Variants in GNA14 observed in about 807,000 individuals in gnomAD.
GNA14 encodes the protein G protein subunit alpha 14.
Under a neutral mutation model 42.0 loss-of-function variants are expected in GNA14, and 50 were observed. That is an observed-to-expected ratio of 1.19 (90% confidence interval 0.95 to 1.51). GNA14 has a LOEUF of 1.51. Among genes scored for constraint, GNA14 ranks in the 40% most tolerant of loss-of-function variants. The probability of loss-of-function intolerance (pLI) is 0.00; values close to 1 mark genes in which losing one functional copy is unlikely to be tolerated. For synonymous variants in GNA14, 173 were observed against 163.1 expected, an observed-to-expected ratio of 1.06 and a Z score of -0.46; for missense variants, 473 against 446.2, an observed-to-expected ratio of 1.06 and a Z score of -0.54.
At chr9:77,459,108 C>T (rs1355952510) in intron 2 of GNA14, among the ~76,000 whole-genome samples, 9 of 152,080 alleles carry the variant, frequency 5.9e-5, no homozygotes, top group Non-Finnish European at 1.0e-4. Context: ...TGGTGGCACG[C>T]GCCTGTAATC....
chr9:77,608,957 T>C (rs1823686818), intron 1 of GNA14, among the ~76,000 whole-genome samples: 1 of 152,110 alleles, frequency 6.6e-6, no homozygotes, highest in African/African-American at 2.4e-5. Context: ...ACTATCTCCT[T>C]ATCAAATAGT....
intron 1 of GNA14, among the ~76,000 whole-genome samples, chr9:77,537,218 T>C (rs1346879410): frequency 6.6e-5 from 10 of 152,162 alleles, no homozygotes; most frequent in South Asian, 2.1e-4. Context: ...CAACCTCCCT[T>C]CATCCTCCCC....
chr9:77,646,999 C>T (rs1375974620), intron 1 of GNA14, among the ~76,000 whole-genome samples: 3 of 152,178 alleles, frequency 2.0e-5, no homozygotes, highest in Admixed American at 6.5e-5. Flanking sequence ...GGTTTGGGTC[C>T]GCTGCAAACA....
chr9:77,466,744 C>CTGA (rs1836241875), intron 2 of GNA14, among the ~76,000 whole-genome samples: 1 of 152,112 alleles, frequency 6.6e-6, no homozygotes, highest in African/African-American at 2.4e-5. Flanking sequence ...ACTCTGTGTA[C>CTGA]TGATCCTTCC....
intron 1 of GNA14, among the ~76,000 whole-genome samples, chr9:77,644,464 A>AAAAAAAAAAAC (rs1824323150): frequency 6.9e-6 from 1 of 145,060 alleles, no homozygotes; most frequent in African/African-American, 2.6e-5. Flanking sequence ...AAAAAAAAAA[A>AAAAAAAAAAAC]GACACAGGAA....
intron 2 of GNA14, chr9:77,517,673 C>G (rs1381717292): frequency 5.0e-5 from 6 of 118,918 alleles, no homozygotes; most frequent in African/African-American, 1.9e-4. Context: ...GTGGTGTAAT[C>G]ATGGCTCACT....
chr9:77,581,037 C>CAA (rs1554700663), intron 1 of GNA14, among the ~76,000 whole-genome samples: 2 of 137,054 alleles, frequency 1.5e-5, no homozygotes, highest in Non-Finnish European at 3.1e-5. Flanking sequence ...CACACACACA[C>CAA]AATAGTACCC....
chr9:77,566,348 T>C (rs992865242), intron 1 of GNA14, among the ~76,000 whole-genome samples: 3 of 151,636 alleles, frequency 2.0e-5, no homozygotes, highest in East Asian at 3.9e-4. Flanking sequence ...AGAAACAGGG[T>C]CTCGCCATGT....
At chr9:77,548,218 T>C (rs149190553) in intron 1 of GNA14, among the ~76,000 whole-genome samples, 67 of 152,300 alleles carry the variant, frequency 4.4e-4, no homozygotes, top group African/African-American at 1.6e-3. Flanking sequence ...GGGCAATGCT[T>C]GATGTTCTTT....
chr9:77,524,035 A>G (rs536460524), intron 2 of GNA14, among the ~76,000 whole-genome samples: 1 of 152,238 alleles, frequency 6.6e-6, no homozygotes, highest in South Asian at 2.1e-4. Flanking sequence ...ACTCAGACTT[A>G]GGAACCCTGC....
intron 1 of GNA14, among the ~76,000 whole-genome samples, chr9:77,645,582 A>G (rs1358952343): frequency 6.6e-6 from 1 of 152,208 alleles, no homozygotes; most frequent in Non-Finnish European, 1.5e-5. Context: ...TCAAGGTGGT[A>G]GGAGGAGGGT....
chr9:77,622,719 C>T (rs1279414198), intron 1 of GNA14, among the ~76,000 whole-genome samples: 1 of 112,928 alleles, frequency 8.9e-6, no homozygotes. Flanking sequence ...AACCCCGTCT[C>T]TACTAAAAAT....
chr9:77,589,119 A>G (rs185104116), intron 1 of GNA14, among the ~76,000 whole-genome samples: 28 of 152,344 alleles, frequency 1.8e-4, no homozygotes, highest in Admixed American at 1.4e-3. Flanking sequence ...CCAGGAATCT[A>G]TTATAGCTCA....
rs1371717121 is a variant in GNA14, at chr9:77,529,130, A to G, written c.248T>C (p.Met83Thr). 1.2e-6 allele frequency: 2 copies of G among 1,614,174 alleles called. No homozygotes were observed. Among genetic ancestry groups the G allele is most frequent in the Admixed American group, 1.7e-5 (1 of 60,024 alleles). Residue 83 changes from methionine (M) to threonine (T), a missense_variant, in exon 2 of 7, where the codon ATG becomes ACG. Met to Thr is a moderately conservative substitution (Grantham distance 81, BLOSUM62 -1). Coordinates refer to ENST00000341700, the MANE Select transcript of GNA14 (RefSeq NM_004297.4). ...GTCCATCGCTCTGATCATGGCTTGC[A>G]TGGCGGTGAATATGTTTTGGTAAAC... ...KLVYQNIFTA[M>T]QAMIRAMDTL...
At chr9:77,597,409 T>C (rs1007384326) in intron 1 of GNA14, among the ~76,000 whole-genome samples, 17 of 152,180 alleles carry the variant, frequency 1.1e-4, no homozygotes, top group Non-Finnish European at 2.2e-4. Context: ...CAGCCTTGAG[T>C]GGACACAGTA....
chr9:77,423,991 G>T lies in GNA14; in HGVS notation c.1056C>A (p.Phe352Leu). Residue 352 changes from phenylalanine to leucine, a missense_variant, in exon 7 of 7, where the codon TTC becomes TTA. By Grantham distance (22) the Phe-to-Leu change is conservative (BLOSUM62 0). Coordinates refer to ENST00000341700, the MANE Select transcript of GNA14 (RefSeq NM_004297.4). The stretch of plus-strand genomic sequence containing the variant: ...TGGGCAGCAGCTTTTAGACAAGGTT[G>T]AATTCCCTTAGGTTTAGCTGTAGAA... ...DTILQLNLRE[F>L]NLV 3.1e-6 allele frequency: 5 copies of T among 1,591,652 alleles called. No individual in the cohort carries two copies. Among genetic ancestry groups the T allele is most frequent in the South Asian group, 1.1e-5 (1 of 87,402 alleles).
At chr9:77,430,162 T>G (rs1835521389) in intron 4 of GNA14, among the ~76,000 whole-genome samples, 1 of 152,232 alleles carries the variant, frequency 6.6e-6, no homozygotes, top group Admixed American at 6.5e-5. Context: ...GTCAAAAGGT[T>G]GAGCTTGAAG....
intron 1 of GNA14, among the ~76,000 whole-genome samples, chr9:77,586,140 C>A (rs1823298189): frequency 6.6e-6 from 1 of 152,072 alleles, no homozygotes; most frequent in Non-Finnish European, 1.5e-5. Flanking sequence ...CATCACTTAC[C>A]CCTGGCATCC....
At chr9:77,493,046 T>TATATATATA (rs1564030867) in intron 2 of GNA14, among the ~76,000 whole-genome samples, 4 of 136,604 alleles carry the variant, frequency 2.9e-5, no homozygotes, top group Admixed American at 7.4e-5. Context: ...TATATATATA[T>TATATATATA]TTGGGAGATG....
Sources: allele counts gnomAD v4.1 joint callset (sites outside exome capture counted in the v4.1 genomes callset), GRCh38; gene constraint gnomAD v4.1.1; transcripts MANE v1.5; gene names NCBI Gene and HGNC (gene_info 2026-07-23, HGNC 2026-07-21).